Variants in ULK2 observed in about 807,000 individuals in gnomAD.
ULK2 encodes unc-51 like autophagy activating kinase 2, also known as serine/threonine-protein kinase ULK2.
In ULK2, 76 loss-of-function variants were observed where a neutral mutation model predicts 127.5. The ratio of observed to expected loss-of-function variants is 0.60; its 90% CI spans 0.50 to 0.72. The LOEUF (loss-of-function observed/expected upper bound fraction) is 0.72, where lower values mean the gene tolerates loss of function less well. Ranked by LOEUF, ULK2 falls within the 30% of genes least tolerant of loss-of-function variation. The pLI, the probability that ULK2 is intolerant of heterozygous loss-of-function variation, is 0.00. For missense variants in ULK2, 1,144 were observed against 1,295.9 expected, an observed-to-expected ratio of 0.88 and a Z score of 1.80; for synonymous variants, 452 against 461.9, an observed-to-expected ratio of 0.98 and a Z score of 0.28.
intron 3 of ULK2, among the ~76,000 whole-genome samples, chr17:19,860,527 T>TC (rs1266046868): frequency 6.6e-6 from 1 of 150,594 alleles, no homozygotes; most frequent in Non-Finnish European, 1.5e-5. Flanking sequence ...AATACCTCTT[T>TC]TTTTTTTTTT....
Position 19,781,877 on chromosome 17 carries a change from G to A in ULK2, c.2639+12C>T. 1.2e-6 allele frequency: 2 copies of A among 1,609,836 alleles called. No homozygotes were observed. On this transcript the variant is annotated intron_variant, in intron 23 of 26. Coordinates refer to ENST00000395544, the MANE Select transcript of ULK2 (RefSeq NM_014683.4). ...TGAAAAGTCTGGAAATGAATGACAA[G>A]GGGGCACCCACCCCCAGTCTTTGCT...
intron 20 of ULK2, among the ~76,000 whole-genome samples, chr17:19,788,979 T>G (rs1161062897): frequency 1.3e-5 from 2 of 152,202 alleles, no homozygotes; most frequent in Admixed American, 1.3e-4. Context: ...GACTCCTAGA[T>G]AGCATCTCTG....
At chr17:19,788,725 C>T (rs930202482) in intron 20 of ULK2, among the ~76,000 whole-genome samples, 1 of 152,122 alleles carries the variant, frequency 6.6e-6, no homozygotes, top group African/African-American at 2.4e-5. Context: ...AAGGGTGGGT[C>T]TTAGGCCTAG....
intron 3 of ULK2, among the ~76,000 whole-genome samples, chr17:19,853,441 T>C (rs993680789): frequency 2.0e-5 from 3 of 151,828 alleles, no homozygotes; most frequent in African/African-American, 7.3e-5. Flanking sequence ...CCTGGCCTAA[T>C]TCCTGGTTTC....
In ULK2 at chr17:19,815,813, C is replaced by T. The variant is rs142590409; in HGVS notation, c.1096+936G>A. On this transcript the variant is annotated intron_variant, in intron 13 of 26. Transcript: ENST00000395544. ...GGCACATGTATACATTTGTAACAAA[C>T]CTGCACGTTGTGCACATGTACCCTA... Among the ~76,000 whole-genome samples, 889 of 152,180 alleles carry T rather than the reference C, an allele frequency of 5.8e-3. 15 individuals are homozygous for T. The highest frequency in any genetic ancestry group is 0.019 in the African/African-American group (773 of 41,530).
chr17:19,839,605 T>C (rs1255842255), intron 9 of ULK2, among the ~76,000 whole-genome samples: 1 of 144,564 alleles, frequency 6.9e-6, no homozygotes, highest in Admixed American at 7.3e-5. Context: ...GATGTTGCAG[T>C]GAGCCAAGAT....
chr17:19,781,072 G>C lies in ULK2; in HGVS notation c.2672C>G (p.Ala891Gly). Residue 891 changes from alanine to glycine, a missense_variant, in exon 24 of 27, where the codon GCA becomes GGA. Physicochemically the swap from Ala to Gly is moderately conservative, Grantham distance 60. Around this residue, in one of 2 missense-constraint regions of ULK2, gnomAD observed 913 missense variants for 970.5 expected, o/e 0.94. Coordinates refer to ENST00000395544, the MANE Select transcript of ULK2 (RefSeq NM_014683.4). ...RVEQLVLYMK[A>G]AQLLAASLHL... ...CAGAGAAGCCGCAAGCAGCTGTGCT[G>C]CTTTCATGTACAACACCAGCTGCTC... 1 of 1,613,700 alleles carries C rather than the reference G, an allele frequency of 6.2e-7. No homozygotes were observed. Among genetic ancestry groups the C allele is most frequent in the Non-Finnish European group, 8.5e-7 (1 of 1,179,868 alleles).
chr17:19,780,576 G>A lies in ULK2; in HGVS notation c.2812C>T (p.Leu938Phe). The A allele has an allele frequency of 6.2e-7, 1 of 1,613,748 alleles. No homozygotes were observed. ...YKFCITMCKK[L>F]TEKLNRFFSD... is the part of the protein sequence containing the mutation. The stretch of plus-strand genomic sequence containing the variant: ...AAGAATCGATTCAGCTTTTCTGTAA[G>A]TTTCTTGCACATGGTGATGCAGAAT... The change falls in exon 25 of 27, where the codon CTT becomes TTT. Residue 938 changes from leucine to phenylalanine, a missense_variant. Around this residue, in one of 2 missense-constraint regions of ULK2, gnomAD observed 913 missense variants for 970.5 expected, o/e 0.94. Coordinates refer to ENST00000395544, the MANE Select transcript of ULK2 (RefSeq NM_014683.4).
chr17:19,848,071 G>A (rs1035897575), intron 5 of ULK2, among the ~76,000 whole-genome samples: 1 of 151,962 alleles, frequency 6.6e-6, no homozygotes, highest in African/African-American at 2.4e-5. Context: ...GAAAACTTGT[G>A]CTCATTTCAG....
chr17:19,804,943 C>T, intron 14 of ULK2, 113 bp from the exon 15 acceptor site: 1 of 1,161,218 alleles, frequency 8.6e-7, no homozygotes, highest in Non-Finnish European at 1.2e-6. Context: ...AATGGTCACT[C>T]CACTACCTTA....
intron 12 of ULK2, among the ~76,000 whole-genome samples, chr17:19,821,915 G>A (rs984989355): frequency 6.6e-6 from 1 of 151,388 alleles, no homozygotes; most frequent in South Asian, 2.1e-4. Context: ...CAAACTCCTG[G>A]GCTCAAGCAA....
chr17:19,844,832 T>C (rs540434025), intron 7 of ULK2, among the ~76,000 whole-genome samples: 1 of 152,096 alleles, frequency 6.6e-6, no homozygotes, highest in African/African-American at 2.4e-5. Flanking sequence ...TGATGATATC[T>C]ATATGAGAGG....
In ULK2 at chr17:19,773,636, T is replaced by C. The variant is rs1336601509; in HGVS notation, c.*2713A>G. The C allele has an allele frequency of 6.6e-6, 1 of 152,190 alleles. No individual in the cohort carries two copies. Among genetic ancestry groups the C allele is most frequent in the Non-Finnish European group, 1.5e-5 (1 of 68,044 alleles). The allele number at this position is 152,190 out of a possible 1,614,324, so 9.4% of individuals were successfully genotyped here. On this transcript the variant is annotated 3_prime_UTR_variant, in exon 27 of 27. Transcript: ENST00000395544. ...AATGCTGAGTGGAGAGGAGAAAGCC[T>C]CAGCAGAGAGGCGAGCTGGAGGGAG... is the stretch of plus-strand genomic sequence containing the variant.
chr17:19,815,645 A>G (rs2040970794), intron 13 of ULK2, among the ~76,000 whole-genome samples: 1 of 152,232 alleles, frequency 6.6e-6, no homozygotes. Flanking sequence ...ATTGACCTAT[A>G]TAAAAGTAAC....
Position 19,797,565 on chromosome 17 carries a change from G to C in ULK2, c.1640C>G (p.Ser547Cys). The C allele has an allele frequency of 3.1e-6, 5 of 1,613,924 alleles. No individual in the cohort carries two copies. The highest frequency in any genetic ancestry group is 4.2e-6 in the Non-Finnish European group (5 of 1,180,016). ...AGTATGGGATGGGCACACGGGGTCA[G>C]AGTGCTGTTTTCTGAGCTTCTGCTT... is the stretch of plus-strand genomic sequence containing the variant. ...QNKQKLRKQH[S>C]DPVCPSHTGA... Residue 547 changes from serine (S) to cysteine (C), a missense_variant, in exon 18 of 27, where the codon TCT (serine) becomes TGT (cysteine). Coordinates refer to ENST00000395544, the MANE Select transcript of ULK2 (RefSeq NM_014683.4).
At chr17:19,800,827 G>A (rs930793462) in intron 16 of ULK2, among the ~76,000 whole-genome samples, 4 of 152,110 alleles carry the variant, frequency 2.6e-5, no homozygotes, top group African/African-American at 9.7e-5. Context: ...CCTCAGTGCT[G>A]CCTCTCATAC....
chr17:19,844,609 T>C (rs1279736103), intron 7 of ULK2, among the ~76,000 whole-genome samples: 3 of 151,994 alleles, frequency 2.0e-5, no homozygotes, highest in Non-Finnish European at 4.4e-5. Flanking sequence ...TGATCAAGAC[T>C]ATAAATCTAA....
At chr17:19,841,737 G>A (rs895431952) in intron 8 of ULK2, among the ~76,000 whole-genome samples, 190 bp from the exon 9 acceptor site, 1 of 152,026 alleles carries the variant, frequency 6.6e-6, no homozygotes, top group African/African-American at 2.4e-5. Context: ...TCATATTCTT[G>A]CTACAGAACA....
At chr17:19,835,638 A>C (rs1472599900) in intron 10 of ULK2, among the ~76,000 whole-genome samples, 1 of 149,540 alleles carries the variant, frequency 6.7e-6, no homozygotes, top group Non-Finnish European at 1.5e-5. Flanking sequence ...AATGGCATGA[A>C]CCCAGGAGGC....
Sources: allele counts gnomAD v4.1 joint callset (sites outside exome capture counted in the v4.1 genomes callset), GRCh38; gene constraint gnomAD v4.1.1; regional missense constraint gnomAD v4.1.1; transcripts MANE v1.5; gene names NCBI Gene and HGNC (gene_info 2026-07-23, HGNC 2026-07-21).